NDUFAF7: variants seen among roughly 807,000 people sequenced by gnomAD.
NDUFAF7 encodes the protein protein arginine methyltransferase NDUFAF7, mitochondrial.
In NDUFAF7, 48 loss-of-function variants were observed where a neutral mutation model predicts 47.2. That is an observed-to-expected ratio of 1.02 (90% CI 0.81 to 1.29). NDUFAF7 has a LOEUF of 1.29. Ranked by LOEUF, NDUFAF7 falls within the 50% of genes most tolerant of loss-of-function variation. The probability of loss-of-function intolerance (pLI) is 0.00; values close to 1 mark genes in which losing one functional copy is unlikely to be tolerated. For synonymous variants in NDUFAF7, 217 were observed against 190.0 expected, an observed-to-expected ratio of 1.14 and a Z score of -1.17; for missense variants, 635 against 537.6, an observed-to-expected ratio of 1.18 and a Z score of -1.79.
chr2:37,271,173 A>G, the NDUFAF7 span, among the ~76,000 whole-genome samples: 1 of 152,250 alleles, frequency 6.6e-6, no homozygotes, highest in South Asian at 2.1e-4. Context: ...AGAGATTTTA[A>G]TCTGAGAAAT....
the NDUFAF7 span, chr2:37,268,044 C>T: frequency 5.2e-6 from 1 of 193,420 alleles, no homozygotes; most frequent in Non-Finnish European, 1.1e-5. Context: ...TTATAATGAA[C>T]AGTCATTCCC....
At chr2:37,243,424 C>T (rs879521720) in intron 6 of NDUFAF7, among the ~76,000 whole-genome samples, 11 of 152,154 alleles carry the variant, frequency 7.2e-5, no homozygotes, top group Non-Finnish European at 1.6e-4. Flanking sequence ...TGCACTCCAG[C>T]CTGGGCAACA....
chr2:37,260,179 T>C, the NDUFAF7 span: 89 of 1,519,922 alleles, frequency 5.9e-5, 2 homozygotes, highest in East Asian at 1.7e-3. Flanking sequence ...AAAAAAAAAT[T>C]AGTTTTTAAT....
downstream of NDUFAF7, chr2:37,254,122 T>TAA: frequency 1.0e-6 from 1 of 980,408 alleles, no homozygotes; most frequent in Admixed American, 1.8e-5. Context: ...CTGCTGATCT[T>TAA]AGAGTGGTCT....
chr2:37,267,346 T>TAA, the NDUFAF7 span: 7,386 of 774,434 alleles, frequency 9.5e-3, no homozygotes, highest in South Asian at 0.011. Context: ...TTTGCCTTCT[T>TAA]AAAAAAAAAA....
downstream of NDUFAF7, chr2:37,251,599 T>C (rs1249838853): frequency 6.6e-6 from 1 of 152,422 alleles, no homozygotes; most frequent in South Asian, 2.1e-4. Flanking sequence ...CTCAGTCTGT[T>C]CATGTACCAG....
At chr2:37,236,231 C>A in intron 3 of NDUFAF7, 55 bp downstream of exon 3, 2 of 1,394,152 alleles carry the variant, frequency 1.4e-6, no homozygotes, top group South Asian at 1.2e-5. Flanking sequence ...GAGAGCAGAT[C>A]AAATTGTATT....
chr2:37,260,388 AAG>A, the NDUFAF7 span: 10 of 1,608,278 alleles, frequency 6.2e-6, no homozygotes, highest in Admixed American at 1.5e-4. Context: ...GCAAATTCTG[AAG>A]AGAGGTTGCA....
chr2:37,247,998 A>G (rs768095154), intron 9 of NDUFAF7, 137 bp from the exon 10 acceptor site: 20 of 765,900 alleles, frequency 2.6e-5, no homozygotes, highest in Non-Finnish European at 4.2e-5. Flanking sequence ...TAAGTACTCT[A>G]TGATTCTCAG....
At chr2:37,254,158 A>C (rs1344962112), downstream of NDUFAF7, 2 of 1,391,070 alleles carry the variant, frequency 1.4e-6, no homozygotes, top group East Asian at 4.6e-5. Context: ...ATCAGAGTGA[A>C]CTACTCAAAT....
the NDUFAF7 span, chr2:37,269,322 C>T: frequency 1.1e-5 from 4 of 365,820 alleles, no homozygotes; most frequent in Non-Finnish European, 2.1e-5. Flanking sequence ...CCAACATAAA[C>T]TTCAAACCAT....
chr2:37,241,004 T>G (rs897625796), intron 4 of NDUFAF7, among the ~76,000 whole-genome samples: 4 of 152,252 alleles, frequency 2.6e-5, no homozygotes, highest in Admixed American at 2.6e-4. Context: ...GTTGATACAC[T>G]TTATGCTTTT....
At chr2:37,267,562 G>A in the NDUFAF7 span, 18 of 1,505,334 alleles carry the variant, frequency 1.2e-5, no homozygotes, top group South Asian at 2.3e-5. Context: ...GAAGAGGAAC[G>A]AATGAAGCAA....
the NDUFAF7 span, chr2:37,260,281 A>C: frequency 6.2e-7 from 1 of 1,611,116 alleles, no homozygotes; most frequent in Non-Finnish European, 8.5e-7. Flanking sequence ...ACTGGATAGA[A>C]TCATTTCCAA....
At chr2:37,239,149 C>T (rs1305261167) in intron 4 of NDUFAF7, among the ~76,000 whole-genome samples, 2 of 142,638 alleles carry the variant, frequency 1.4e-5, no homozygotes, top group African/African-American at 2.6e-5. Context: ...GACACAGTCT[C>T]ACTTTGTCAC....
In NDUFAF7 at chr2:37,248,177, T is replaced by A; in HGVS notation, c.1153T>A (p.Leu385Ile). 1 of 1,614,100 alleles carries A rather than the reference T, an allele frequency of 6.2e-7. No individual in the cohort carries two copies. The highest frequency in any genetic ancestry group is 8.5e-7 in the Non-Finnish European group (1 of 1,179,978). Reference protein sequence around the residue: ...KSNEPSVRQQLLQGYDMLMNP... With the variant: ...KSNEPSVRQQILQGYDMLMNP... ...AAATGAGCCATCAGTGAGGCAGCAG[T>A]TACTTCAAGGATATGATATGTTAAT... Residue 385 changes from leucine to isoleucine, a missense_variant, in exon 10 of 10, where the codon TTA becomes ATA. Transcript: ENST00000002125.
intron 3 of NDUFAF7, among the ~76,000 whole-genome samples, chr2:37,236,503 G>A (rs966282474): frequency 2.6e-5 from 4 of 152,008 alleles, no homozygotes; most frequent in Non-Finnish European, 5.9e-5. Flanking sequence ...GGGGCCAGGC[G>A]TAGTGGCTCA....
chr2:37,243,732 G>T, intron 6 of NDUFAF7, 131 bp from the exon 7 acceptor site: 1 of 701,522 alleles, frequency 1.4e-6, no homozygotes. Context: ...ATGAATTTAA[G>T]TAATTTTAAA....
At chr2:37,267,943 G>A in the NDUFAF7 span, 1 of 189,262 alleles carries the variant, frequency 5.3e-6, no homozygotes, top group Non-Finnish European at 1.1e-5. Context: ...CACAAACTCT[G>A]GGTGTCTCTA....
Sources: gnomAD v4.1 joint callset for allele counts (sites outside exome capture counted in the v4.1 genomes callset) on GRCh38, gnomAD v4.1.1 for gene constraint, MANE v1.5 for transcripts, NCBI Gene and HGNC (gene_info 2026-07-23, HGNC 2026-07-21) for gene names.